Variants in TMC1 observed in about 807,000 individuals in gnomAD.
TMC1 encodes the protein transmembrane channel-like protein 1.
TMC1 carries 84 observed loss-of-function variants against 105.8 expected under a neutral mutation model. The ratio of observed to expected loss-of-function variants is 0.79; its 90% CI spans 0.67 to 0.95. TMC1 has a LOEUF of 0.95. Among genes scored for constraint, TMC1 ranks in the 40% least tolerant of loss-of-function variants. The pLI is 0.00. For synonymous variants in TMC1, 315 were observed against 311.5 expected (o/e 1.01, Z -0.12); for missense variants, 817 against 914.1 (o/e 0.89, Z 1.37).
rs568400080 is a variant in TMC1, at chr9:72,775,039, T to C, written c.884+2484T>C. ...CAAATATCTATTTTTAGTTACTTAATAGCAAAATCAGAAAATAAAAAGATA... is the reference window on the plus strand; with the variant it reads ...CAAATATCTATTTTTAGTTACTTAACAGCAAAATCAGAAAATAAAAAGATA... On this transcript the variant is annotated intron_variant, in intron 13 of 23. Transcript: ENST00000297784. Among the ~76,000 whole-genome samples, 16 of 152,272 alleles carry C rather than the reference T, an allele frequency of 1.1e-4. 1 individual carries two copies. The South Asian group carries it at 2.5e-3, about 24-fold the overall frequency.
intron 1 of TMC1, among the ~76,000 whole-genome samples, chr9:72,547,337 TCCCCTCAACC>T (rs1184622517): frequency 6.7e-6 from 1 of 148,290 alleles, no homozygotes; most frequent in Non-Finnish European, 1.5e-5. Context: ...TTTTCCAAGT[TCCCCTCAACC>T]CCCCTAAAAA....
chr9:72,621,611 ACT>A (rs1312806285), intron 3 of TMC1, among the ~76,000 whole-genome samples: 6 of 152,170 alleles, frequency 3.9e-5, no homozygotes, highest in Non-Finnish European at 7.3e-5. Context: ...AACTAAAATC[ACT>A]CTACAGAAAG....
intron 14 of TMC1, 79 bp from the exon 15 acceptor site, chr9:72,789,044 G>A: frequency 2.2e-6 from 3 of 1,376,926 alleles, no homozygotes; most frequent in Non-Finnish European, 3.1e-6. Flanking sequence ...AATAACTTTT[G>A]AGGTTTTGAT....
At chr9:72,740,353 G>C in intron 9 of TMC1, 144 bp downstream of exon 9, 1 of 632,714 alleles carries the variant, frequency 1.6e-6, no homozygotes, top group South Asian at 2.4e-5. Flanking sequence ...TATATCTGTG[G>C]TATTGAAATT....
chr9:72,824,982 A>G (rs1399775191), intron 20 of TMC1, among the ~76,000 whole-genome samples: 2 of 152,100 alleles, frequency 1.3e-5, no homozygotes, highest in African/African-American at 4.8e-5. Flanking sequence ...TTAGTATTAA[A>G]AGTTAAAATT....
chr9:72,540,452 AG>A (rs1405379348), intron 1 of TMC1, among the ~76,000 whole-genome samples: 2 of 152,160 alleles, frequency 1.3e-5, no homozygotes, highest in African/African-American at 4.8e-5. Flanking sequence ...GCTTTCTGCC[AG>A]GAATTTACCT....
chr9:72,673,395 A>C (rs969552974), intron 5 of TMC1, among the ~76,000 whole-genome samples: 1 of 152,176 alleles, frequency 6.6e-6, no homozygotes, highest in Non-Finnish European at 1.5e-5. Flanking sequence ...AAAACAAAAC[A>C]AAATTTAATA....
intron 1 of TMC1, among the ~76,000 whole-genome samples, chr9:72,561,514 T>C (rs1824050649): frequency 6.6e-6 from 1 of 152,124 alleles, no homozygotes; most frequent in South Asian, 2.1e-4. Flanking sequence ...GGTCTCACTA[T>C]AAGCCATAGT....
intron 5 of TMC1, among the ~76,000 whole-genome samples, chr9:72,685,764 T>A (rs1826370825): frequency 6.6e-6 from 1 of 152,184 alleles, no homozygotes; most frequent in Non-Finnish European, 1.5e-5. Context: ...TTTCTCTATA[T>A]TCCTTTGTGA....
intron 8 of TMC1, among the ~76,000 whole-genome samples, chr9:72,703,496 C>T (rs1320383555): frequency 1.3e-5 from 2 of 152,154 alleles, no homozygotes; most frequent in African/African-American, 2.4e-5. Context: ...AAGATTTGGT[C>T]CTACATTCTT....
intron 2 of TMC1, among the ~76,000 whole-genome samples, chr9:72,578,595 G>C (rs1280416895): frequency 6.6e-6 from 1 of 152,144 alleles, no homozygotes; most frequent in Non-Finnish European, 1.5e-5. Context: ...CTTTGCCGTA[G>C]GACTGTTTTC....
chr9:72,566,187 A>G (rs1824149645), intron 1 of TMC1, among the ~76,000 whole-genome samples: 1 of 152,062 alleles, frequency 6.6e-6, no homozygotes, highest in Admixed American at 6.6e-5. Flanking sequence ...TGCCCAACTA[A>G]TGTTTTGTTT....
chr9:72,753,105 T>C (rs937245826), intron 11 of TMC1, among the ~76,000 whole-genome samples: 3 of 152,068 alleles, frequency 2.0e-5, no homozygotes. Context: ...TTCTCTAAGA[T>C]TTTGCACTTT....
chr9:72,717,540 T>C (rs1259095703), intron 8 of TMC1, among the ~76,000 whole-genome samples: 1 of 152,200 alleles, frequency 6.6e-6, no homozygotes, highest in Non-Finnish European at 1.5e-5. Flanking sequence ...AAAAAGACTG[T>C]ATCTTTCCTT....
intron 2 of TMC1, among the ~76,000 whole-genome samples, chr9:72,589,128 G>A (rs980070304): frequency 3.9e-5 from 6 of 152,244 alleles, no homozygotes; most frequent in Non-Finnish European, 8.8e-5. Flanking sequence ...ACAAGTAAAC[G>A]GCATGCATCA....
intron 15 of TMC1, among the ~76,000 whole-genome samples, chr9:72,789,677 T>G (rs1426216988): frequency 6.6e-6 from 1 of 152,232 alleles, no homozygotes; most frequent in African/African-American, 2.4e-5. Context: ...AATCTTGACT[T>G]CGAGTCCAAG....
chr9:72,698,060 G>T (rs1826580215), intron 7 of TMC1, among the ~76,000 whole-genome samples: 1 of 151,650 alleles, frequency 6.6e-6, no homozygotes. Context: ...AAAAATTGTG[G>T]ATATAGATAG....
intron 8 of TMC1, among the ~76,000 whole-genome samples, chr9:72,713,416 T>G (rs1338780824): frequency 6.6e-6 from 1 of 152,156 alleles, no homozygotes; most frequent in Non-Finnish European, 1.5e-5. Context: ...GACTTTTTGG[T>G]TGGTAGGCTA....
At chr9:72,656,059 T>A in intron 5 of TMC1, 1 of 712,620 alleles carries the variant, frequency 1.4e-6, no homozygotes, top group Non-Finnish European at 2.6e-6. Flanking sequence ...GAGATTCTTT[T>A]CCTTTGCTCC....
Sources: gnomAD v4.1 joint callset for allele counts (sites outside exome capture counted in the v4.1 genomes callset) on GRCh38, gnomAD v4.1.1 for gene constraint, MANE v1.5 for transcripts, NCBI Gene and HGNC (gene_info 2026-07-23, HGNC 2026-07-21) for gene names.